The following PDSS2 variants were observed in gnomAD, a reference collection of about 807,000 sequenced individuals.
PDSS2 encodes all trans-polyprenyl-diphosphate synthase PDSS2.
A neutral mutation model predicts 44.5 loss-of-function variants in PDSS2; 31 were observed. The observed-to-expected ratio is 0.70, with a 90% confidence interval of 0.52 to 0.94. The LOEUF is 0.94. PDSS2 is among the 40% of genes least tolerant of loss of function. The pLI is 0.00. For synonymous variants in PDSS2, 157 were observed against 180.3 expected (o/e 0.87, Z 1.03); for missense variants, 452 against 482.2 (o/e 0.94, Z 0.59).
At chr6:107,165,884 C>T (rs1771326622) in intron 7 of PDSS2, among the ~76,000 whole-genome samples, 1 of 152,050 alleles carries the variant, frequency 6.6e-6, no homozygotes, top group African/African-American at 2.4e-5. Flanking sequence ...CCTTCACATC[C>T]CTTGTAAGTT....
chr6:107,335,995 G>A (rs897926257), intron 1 of PDSS2, among the ~76,000 whole-genome samples: 9 of 121,834 alleles, frequency 7.4e-5, no homozygotes, highest in African/African-American at 2.7e-4. Flanking sequence ...TGGGTATGGT[G>A]GCTCATGCCC....
chr6:107,193,708 A>C, intron 7 of PDSS2, 114 bp downstream of exon 7: 1 of 762,806 alleles, frequency 1.3e-6, no homozygotes, highest in Non-Finnish European at 2.4e-6. Context: ...CTTAACAGGA[A>C]ATGTCCTTCA....
intron 4 of PDSS2, among the ~76,000 whole-genome samples, chr6:107,227,007 T>TA (rs1247930902): frequency 1.3e-5 from 2 of 150,886 alleles, no homozygotes; most frequent in African/African-American, 2.4e-5. Context: ...TACTTTTTTT[T>TA]TTGAGACAGA....
chr6:107,167,142 G>A (rs578009583), intron 7 of PDSS2, among the ~76,000 whole-genome samples: 10 of 152,158 alleles, frequency 6.6e-5, no homozygotes, highest in East Asian at 3.9e-4. Flanking sequence ...ATTAATTATC[G>A]CCTCAATTTC....
intron 7 of PDSS2, among the ~76,000 whole-genome samples, chr6:107,155,348 T>C (rs1165511360): frequency 1.3e-5 from 2 of 152,022 alleles, no homozygotes; most frequent in Non-Finnish European, 2.9e-5. Flanking sequence ...CGTTTTGCCA[T>C]GTTGGCCAGG....
At chr6:107,232,143 C>T (rs547371232) in intron 4 of PDSS2, among the ~76,000 whole-genome samples, 1 of 152,238 alleles carries the variant, frequency 6.6e-6, no homozygotes, top group South Asian at 2.1e-4. Flanking sequence ...ATAACTAAAA[C>T]AGAGTAATAA....
intron 1 of PDSS2, among the ~76,000 whole-genome samples, chr6:107,382,531 G>A (rs543244425): frequency 6.6e-6 from 1 of 152,218 alleles, no homozygotes; most frequent in Admixed American, 6.5e-5. Flanking sequence ...AGATTTGAGA[G>A]TCCAGAAATA....
intron 1 of PDSS2, among the ~76,000 whole-genome samples, chr6:107,396,681 T>TTC (rs71736790): frequency 5.0e-5 from 3 of 60,208 alleles, no homozygotes; most frequent in African/African-American, 1.1e-4. Flanking sequence ...CTTTTTTCTT[T>TTC]TTTTTTTTTT....
intron 7 of PDSS2, among the ~76,000 whole-genome samples, chr6:107,188,587 C>T (rs563421707): frequency 9.7e-4 from 148 of 152,010 alleles, no homozygotes; most frequent in Non-Finnish European, 1.7e-3. Flanking sequence ...ATGTTTTATC[C>T]CCTCCAAATC....
chr6:107,384,917 A>G (rs1779566840), intron 1 of PDSS2, among the ~76,000 whole-genome samples: 1 of 152,224 alleles, frequency 6.6e-6, no homozygotes, highest in South Asian at 2.1e-4. Flanking sequence ...AGGAATTATT[A>G]GAATATAAAG....
At chr6:107,270,608 G>A (rs1370081015) in intron 3 of PDSS2, among the ~76,000 whole-genome samples, 1 of 152,140 alleles carries the variant, frequency 6.6e-6, no homozygotes, top group Non-Finnish European at 1.5e-5. Context: ...AATTGTGTGT[G>A]TGCCACAACC....
intron 4 of PDSS2, among the ~76,000 whole-genome samples, chr6:107,227,374 C>T (rs189111118): frequency 2.3e-4 from 34 of 149,760 alleles, no homozygotes; most frequent in African/African-American, 7.4e-4. Context: ...CTGCAACCTC[C>T]GCCTCCCAGG....
chr6:107,207,570 T>C (rs1210092969), intron 6 of PDSS2, among the ~76,000 whole-genome samples: 1 of 151,984 alleles, frequency 6.6e-6, no homozygotes, highest in East Asian at 1.9e-4. Context: ...AAAATGTACA[T>C]TACAATTTAG....
At chr6:107,291,025 T>C (rs1776328496) in intron 2 of PDSS2, among the ~76,000 whole-genome samples, 1 of 150,272 alleles carries the variant, frequency 6.7e-6, no homozygotes, top group Admixed American at 6.6e-5. Flanking sequence ...AAAAAAAGCA[T>C]GTGAGCGCTA....
intron 6 of PDSS2, among the ~76,000 whole-genome samples, chr6:107,207,820 G>T (rs1773038207): frequency 6.6e-6 from 1 of 151,486 alleles, no homozygotes; most frequent in African/African-American, 2.4e-5. Flanking sequence ...ATGTTGGCCA[G>T]GCTGGTCTCA....
At chr6:107,282,258 G>A (rs1775987395) in intron 2 of PDSS2, among the ~76,000 whole-genome samples, 1 of 152,144 alleles carries the variant, frequency 6.6e-6, no homozygotes, top group African/African-American at 2.4e-5. Flanking sequence ...AGTTTCAAAA[G>A]GGAAGGAATG....
intron 4 of PDSS2, 117 bp downstream of exon 4, chr6:107,245,418 CAAAAAAAAAAAAA>C (rs35614951): frequency 5.8e-5 from 7 of 120,350 alleles, no homozygotes; most frequent in East Asian, 2.4e-4. Context: ...AAACACTAAT[CAAAAAAAAAAAAA>C]AAAAAAAAAA....
At chr6:107,342,175 CAG>C (rs1778101431) in intron 1 of PDSS2, among the ~76,000 whole-genome samples, 1 of 147,698 alleles carries the variant, frequency 6.8e-6, no homozygotes, top group Non-Finnish European at 1.5e-5. Context: ...GCAACTGACA[CAG>C]AATAGTTCTA....
intron 7 of PDSS2, chr6:107,192,356 A>C: frequency 1.9e-6 from 1 of 515,480 alleles, no homozygotes; most frequent in Non-Finnish European, 3.9e-6. Flanking sequence ...AGACCCCAAA[A>C]GCTGCAGAGT....
Sources: allele counts gnomAD v4.1 joint callset (sites outside exome capture counted in the v4.1 genomes callset), GRCh38; gene constraint gnomAD v4.1.1; transcripts MANE v1.5; gene names NCBI Gene and HGNC (gene_info 2026-07-23, HGNC 2026-07-21).